ZFP1: variants seen among roughly 807,000 people sequenced by gnomAD.
ZFP1 encodes ZFP1 zinc finger protein.
ZFP1 carries 32 observed loss-of-function variants against 38.5 expected under a neutral mutation model. The ratio of observed to expected loss-of-function variants is 0.83; its 90% CI spans 0.63 to 1.12. The LOEUF (loss-of-function observed/expected upper bound fraction) is 1.12. ZFP1 is among the 50% of genes most tolerant of loss of function. The pLI is 0.00. For missense variants in ZFP1, 616 were observed against 480.8 expected, an observed-to-expected ratio of 1.28 and a Z score of -2.63; for synonymous variants, 245 against 168.8, an observed-to-expected ratio of 1.45 and a Z score of -3.50.
the ZFP1 span, among the ~76,000 whole-genome samples, chr16:75,120,321 C>T: frequency 6.6e-6 from 1 of 152,140 alleles, no homozygotes; most frequent in Non-Finnish European, 1.5e-5. Context: ...CTCTTGCACC[C>T]TCTGCTGCAT....
At chr16:75,120,800 G>A in the ZFP1 span, among the ~76,000 whole-genome samples, 6 of 126,140 alleles carry the variant, frequency 4.8e-5, no homozygotes, top group African/African-American at 1.5e-4. Context: ...TGTTTGTTTT[G>A]TATTTTTAGT....
chr16:75,170,457 A>C lies in ZFP1; in HGVS notation c.*123A>C. 5 of 1,341,836 alleles carry C rather than the reference A, an allele frequency of 3.7e-6. No homozygotes were observed. The highest frequency in any genetic ancestry group is 4.9e-6 in the Non-Finnish European group (5 of 1,027,704). 83.1% of individuals were successfully genotyped at this position (1,341,836 alleles called of 1,614,324 possible). A position where few individuals can be genotyped will look rare whatever the true frequency, so the allele number is the denominator to read the frequency against. On this transcript the variant is annotated 3_prime_UTR_variant, in exon 4 of 4. Transcript: ENST00000570010. ...TGAGATGCAATCTCTCAACTCAAAA[A>C]TGTATTAAAAATAGGATCCCATGAG...
At chr16:75,140,390 G>A in the ZFP1 span, among the ~76,000 whole-genome samples, 2 of 152,090 alleles carry the variant, frequency 1.3e-5, no homozygotes, top group African/African-American at 2.4e-5. Context: ...GCAACAGAGC[G>A]AGATCTTGTC....
chr16:75,156,827 A>G (rs2037491947), intron 2 of ZFP1, among the ~76,000 whole-genome samples: 1 of 152,236 alleles, frequency 6.6e-6, no homozygotes, highest in Non-Finnish European at 1.5e-5. Flanking sequence ...GCAGTCTGGT[A>G]TGGAGGGGAA....
the ZFP1 span, among the ~76,000 whole-genome samples, chr16:75,131,078 C>A: frequency 6.6e-6 from 1 of 152,272 alleles, no homozygotes; most frequent in South Asian, 2.1e-4. Context: ...TCCCTGTGGG[C>A]CTCAAGCTCT....
chr16:75,170,024 T>C lies in ZFP1; in HGVS notation c.914T>C (p.Phe305Ser). The stretch of plus-strand genomic sequence containing the variant: ...GAGTGTAACGAATGTGCAAAAACCT[T>C]CTTTAAGAAGTCAAACCTTATCATA... The part of the protein sequence containing the change: ...PYECNECAKT[F>S]FKKSNLIIHQ... Residue 305 changes from phenylalanine (F) to serine (S), a missense_variant, in exon 4 of 4, where the codon TTC becomes TCC. Phe to Ser is a radical substitution (Grantham distance 155, BLOSUM62 -2). Coordinates refer to ENST00000570010, the MANE Select transcript of ZFP1 (RefSeq NM_153688.4). The C allele has an allele frequency of 6.2e-7, 1 of 1,614,136 alleles. No individual in the cohort carries two copies. The highest frequency in any genetic ancestry group is 8.5e-7 in the Non-Finnish European group (1 of 1,180,012).
the ZFP1 span, among the ~76,000 whole-genome samples, chr16:75,125,130 G>A: frequency 2.0e-5 from 3 of 151,736 alleles, no homozygotes; most frequent in Non-Finnish European, 2.9e-5. Context: ...ATGGTGGCAC[G>A]CACCTGTAAT....
chr16:75,124,734 C>G, the ZFP1 span, among the ~76,000 whole-genome samples: 1 of 139,356 alleles, frequency 7.2e-6, no homozygotes, highest in Admixed American at 7.7e-5. Context: ...TTGCGGCGAG[C>G]TGAGATGGTG....
the ZFP1 span, chr16:75,127,922 C>T: frequency 6.6e-6 from 1 of 152,178 alleles, no homozygotes; most frequent in East Asian, 1.9e-4. Context: ...TTTCTCTCTA[C>T]CTGATTTCTA....
At position 75,169,683 on chromosome 16, in the gene ZFP1, G is replaced by A. The variant is rs571945874; in HGVS notation, c.573G>A (p.Lys191=). 4 of 1,610,314 alleles carry A rather than the reference G, an allele frequency of 2.5e-6. No individual in the cohort carries two copies. Among genetic ancestry groups the A allele is most frequent in the South Asian group, 2.2e-5 (2 of 90,606 alleles). Residue 191 remains lysine, a synonymous_variant, in exon 4 of 4, where the codon AAG becomes AAA. Transcript: ENST00000570010. The part of the protein sequence containing the change: ...VQPFICTYCD[K]AFSFKSLLIS... ...CTTTCATTTGTACTTACTGTGACAA[G>A]GCTTTCTCCTTTAAGTCACTCCTCA... is the stretch of plus-strand genomic sequence containing the variant.
intron 3 of ZFP1, among the ~76,000 whole-genome samples, chr16:75,167,836 C>T (rs983765581): frequency 2.6e-5 from 4 of 152,118 alleles, no homozygotes; most frequent in African/African-American, 4.8e-5. Context: ...ATGGCTCATG[C>T]TTATAATCCT....
upstream of ZFP1, among the ~76,000 whole-genome samples, chr16:75,143,905 T>C (rs532494699): frequency 6.6e-6 from 1 of 152,218 alleles, no homozygotes; most frequent in Admixed American, 6.5e-5. Context: ...CTGCCTGCCT[T>C]GGCCTCCCAA....
the ZFP1 span, among the ~76,000 whole-genome samples, chr16:75,121,222 G>C: frequency 6.6e-6 from 1 of 151,190 alleles, no homozygotes; most frequent in African/African-American, 2.4e-5. Flanking sequence ...GAGTACAGTG[G>C]GGTGATCTCT....
upstream of ZFP1, among the ~76,000 whole-genome samples, chr16:75,145,381 G>T (rs2036931840): frequency 6.6e-6 from 1 of 152,194 alleles, no homozygotes; most frequent in South Asian, 2.1e-4. Context: ...CAAAACTAAT[G>T]ATATGGACAG....
the ZFP1 span, among the ~76,000 whole-genome samples, chr16:75,140,025 T>C: frequency 2.0e-5 from 3 of 152,142 alleles, no homozygotes; most frequent in Admixed American, 6.5e-5. Flanking sequence ...TCCTCCCATT[T>C]TGGGAAGCCA....
the ZFP1 span, among the ~76,000 whole-genome samples, chr16:75,135,239 G>T: frequency 4.9e-5 from 1 of 20,222 alleles, no homozygotes; most frequent in Non-Finnish European, 1.3e-4. Flanking sequence ...AAAAACCACT[G>T]GAAACAGCCA....
At chr16:75,137,494 G>A in the ZFP1 span, among the ~76,000 whole-genome samples, 4 of 114,614 alleles carry the variant, frequency 3.5e-5, no homozygotes, top group South Asian at 2.8e-4. Context: ...ACCAAGTCTC[G>A]CTCTGTCCCA....
intron 2 of ZFP1, among the ~76,000 whole-genome samples, chr16:75,164,610 G>A (rs73617665): frequency 0.04 from 6,027 of 152,104 alleles, 392 homozygotes; most frequent in African/African-American, 0.14. Flanking sequence ...CATCTATTAT[G>A]TACTAGTCAT....
chr16:75,124,506 G>A, the ZFP1 span, among the ~76,000 whole-genome samples: 43 of 149,884 alleles, frequency 2.9e-4, no homozygotes, highest in Non-Finnish European at 4.9e-4. Context: ...AAAAGGGGCC[G>A]GGCATGGTGG....
Sources: allele counts gnomAD v4.1 joint callset (sites outside exome capture counted in the v4.1 genomes callset), GRCh38; gene constraint gnomAD v4.1.1; transcripts MANE v1.5; gene names NCBI Gene and HGNC (gene_info 2026-07-23, HGNC 2026-07-21).